The following FAM193A variants were observed in gnomAD, a reference collection of about 807,000 sequenced individuals.
FAM193A encodes the protein protein FAM193A.
Under a neutral mutation model 126.5 loss-of-function variants are expected in FAM193A, and 22 were observed. The observed-to-expected ratio is 0.17, with a 90% CI of 0.12 to 0.25. The LOEUF is 0.25. Among genes scored for constraint, FAM193A ranks in the 10% least tolerant of loss-of-function variants. The pLI, the probability that FAM193A is intolerant of heterozygous loss-of-function variation, is 1.00. For synonymous variants in FAM193A, 761 were observed against 646.8 expected (o/e 1.18, Z -2.68); for missense variants, 1,675 against 1,672.8 (o/e 1.00, Z -0.02).
intron 1 of FAM193A, among the ~76,000 whole-genome samples, chr4:2,549,721 A>G (rs1737792444): frequency 6.9e-6 from 1 of 145,090 alleles, no homozygotes; most frequent in South Asian, 2.2e-4. Context: ...TAAAAATTTT[A>G]TAGTTTTACT....
chr4:2,598,034 A>G (rs1740969662), intron 2 of FAM193A, among the ~76,000 whole-genome samples: 1 of 152,078 alleles, frequency 6.6e-6, no homozygotes. Flanking sequence ...CCTCCCCAGT[A>G]GCTGGGACTA....
intron 14 of FAM193A, among the ~76,000 whole-genome samples, chr4:2,690,433 G>A (rs1015867130): frequency 2.6e-5 from 4 of 152,228 alleles, no homozygotes; most frequent in Non-Finnish European, 5.9e-5. Flanking sequence ...ATCTTCTTAG[G>A]ATGGGAGTAA....
chr4:2,613,781 TTTTGAGACAGAGTC>T (rs1742026690), intron 2 of FAM193A, among the ~76,000 whole-genome samples: 2 of 148,074 alleles, frequency 1.4e-5, no homozygotes, highest in Non-Finnish European at 3.0e-5. Context: ...TTTCTTTTTT[TTTTGAGACAGAGTC>T]TCGCTTTGTA....
At chr4:2,722,563 A>G (rs564216318) in intron 20 of FAM193A, among the ~76,000 whole-genome samples, 1 of 152,340 alleles carries the variant, frequency 6.6e-6, no homozygotes, top group South Asian at 2.1e-4. Flanking sequence ...GGGACAGCAG[A>G]GGCAGAAGGT....
At position 2,727,120 on chromosome 4, in the gene FAM193A, G is replaced by A. The variant is rs572113456; in HGVS notation, c.4455-4655G>A. 1.6e-3 allele frequency among the ~76,000 whole-genome samples: 244 copies of A among 152,250 alleles called. 2 individuals carry two copies. Among genetic ancestry groups the A allele is most frequent in the African/African-American group, 5.6e-3 (232 of 41,540 alleles). On this transcript the variant is annotated intron_variant, in intron 20 of 20. Coordinates refer to ENST00000637812, the MANE Select transcript of FAM193A (RefSeq NM_001366318.2). ...CTAAAAGTACAAAAATTAGCTGGGC[G>A]TGGTGGTGCTCGCCTGTAGTCCTAG...
intron 2 of FAM193A, among the ~76,000 whole-genome samples, chr4:2,611,549 C>T (rs1741875237): frequency 6.6e-6 from 1 of 152,206 alleles, no homozygotes; most frequent in Non-Finnish European, 1.5e-5. Context: ...GCTGGGATTA[C>T]AGGCGTGAGC....
intron 2 of FAM193A, chr4:2,608,196 T>C: frequency 6.8e-7 from 1 of 1,464,514 alleles, no homozygotes; most frequent in Non-Finnish European, 9.4e-7. Flanking sequence ...TTTTCTTTTC[T>C]GTTTTCGAGA....
At chr4:2,693,505 T>G (rs1716647833) in intron 15 of FAM193A, 81 bp from the exon 16 acceptor site, 1 of 1,351,626 alleles carries the variant, frequency 7.4e-7, no homozygotes, top group African/African-American at 1.4e-5. Flanking sequence ...TGGGTACTCT[T>G]TGTGTGTTCT....
intron 1 of FAM193A, among the ~76,000 whole-genome samples, chr4:2,566,558 T>G (rs13125800): frequency 2.0e-5 from 3 of 151,900 alleles, no homozygotes; most frequent in South Asian, 2.1e-4. Flanking sequence ...CGTGGTGGTG[T>G]GCGCCTGTAG....
chr4:2,730,593 G>A (rs1369456307), intron 20 of FAM193A, among the ~76,000 whole-genome samples: 2 of 152,052 alleles, frequency 1.3e-5, no homozygotes, highest in African/African-American at 2.4e-5. Flanking sequence ...GGGAGGCTGA[G>A]GCAGGAGAAT....
chr4:2,635,336 C>A (rs1479236742), intron 5 of FAM193A, among the ~76,000 whole-genome samples: 1 of 152,010 alleles, frequency 6.6e-6, no homozygotes, highest in Non-Finnish European at 1.5e-5. Flanking sequence ...AATTTAGGAC[C>A]CCGAAGTGTG....
At chr4:2,624,232 G>C (rs760273419) in intron 2 of FAM193A, among the ~76,000 whole-genome samples, 1 of 151,842 alleles carries the variant, frequency 6.6e-6, no homozygotes, top group East Asian at 1.9e-4. Flanking sequence ...GCTGGAGTGC[G>C]GTGGCGCGAT....
intron 2 of FAM193A, among the ~76,000 whole-genome samples, chr4:2,612,013 T>C (rs1741906427): frequency 6.6e-6 from 1 of 151,776 alleles, no homozygotes; most frequent in African/African-American, 2.4e-5. Flanking sequence ...ATTTTTTGTA[T>C]TTTTAGTAGA....
At chr4:2,706,299 T>C (rs575719638) in intron 19 of FAM193A, among the ~76,000 whole-genome samples, 58 of 145,930 alleles carry the variant, frequency 4.0e-4, no homozygotes, top group African/African-American at 8.6e-4. Flanking sequence ...TTCTTTTTTT[T>C]TTTTTTTTTT....
At chr4:2,559,679 C>T (rs1036132477) in intron 1 of FAM193A, among the ~76,000 whole-genome samples, 1 of 152,222 alleles carries the variant, frequency 6.6e-6, no homozygotes, top group East Asian at 1.9e-4. Context: ...GCTGCTTCCT[C>T]CTCCCTCTGG....
intron 2 of FAM193A, among the ~76,000 whole-genome samples, chr4:2,612,460 C>T (rs573701738): frequency 6.6e-6 from 1 of 152,108 alleles, no homozygotes; most frequent in African/African-American, 2.4e-5. Flanking sequence ...GATTGCACCA[C>T]TGTACTCCAG....
chr4:2,630,185 A>T (rs1743419916), intron 4 of FAM193A, among the ~76,000 whole-genome samples: 1 of 151,328 alleles, frequency 6.6e-6, no homozygotes, highest in South Asian at 2.1e-4. Context: ...AAAATAATGG[A>T]TTATCCCAAA....
intron 2 of FAM193A, among the ~76,000 whole-genome samples, chr4:2,604,549 TG>T: frequency 1.3e-5 from 2 of 152,210 alleles, no homozygotes. Context: ...CTTTAAGTCT[TG>T]GCGTATCATT....
At chr4:2,653,646 G>C (rs1200352952) in intron 7 of FAM193A, among the ~76,000 whole-genome samples, 1 of 152,146 alleles carries the variant, frequency 6.6e-6, no homozygotes, top group Non-Finnish European at 1.5e-5. Context: ...GTTTCACCCT[G>C]TTGGCCAGGA....
Sources: gnomAD v4.1 joint callset for allele counts (sites outside exome capture counted in the v4.1 genomes callset) on GRCh38, gnomAD v4.1.1 for gene constraint, MANE v1.5 for transcripts, NCBI Gene and HGNC (gene_info 2026-07-23, HGNC 2026-07-21) for gene names.